Variants in VWA5B1 observed in about 807,000 individuals in gnomAD.
The protein encoded by VWA5B1 is von Willebrand factor A domain containing 5B1, also known as von Willebrand factor A domain-containing protein 5B1.
A neutral mutation model predicts 118.2 loss-of-function variants in VWA5B1; 115 were observed. That is an observed-to-expected ratio of 0.97 (90% CI 0.84 to 1.14). VWA5B1 has a LOEUF of 1.14. Among genes scored for constraint, VWA5B1 ranks in the 50% most tolerant of loss-of-function variants. The pLI, the probability that VWA5B1 is intolerant of heterozygous loss-of-function variation, is 0.00. For synonymous variants in VWA5B1, 682 were observed against 658.4 expected (o/e 1.04, Z -0.55); for missense variants, 1,596 against 1,603.8 (o/e 1.00, Z 0.08).
At chr1:20,323,592 C>T (rs1013528876) in intron 8 of VWA5B1, 60 bp downstream of exon 8, 7 of 1,296,512 alleles carry the variant, frequency 5.4e-6, no homozygotes, top group Non-Finnish European at 6.9e-6. Flanking sequence ...CAGCTGTGTG[C>T]CCCCAATCCA....
At position 20,336,740 on chromosome 1, in the gene VWA5B1, C is replaced by T. The variant is rs140148827; in HGVS notation, c.1942+254C>T. Among the ~76,000 whole-genome samples the T allele has an allele frequency of 1.1e-3, 173 of 152,282 alleles. 2 individuals carry two copies. The highest frequency in any genetic ancestry group is 6.8e-3 in the Middle Eastern group (2 of 294). Reference sequence around the variant, plus strand: ...CCTCGTTATGGTGTTAGTTTCCATTCAAAGGGTACTTATCGATTCCTTACT... The same window carrying T: ...CCTCGTTATGGTGTTAGTTTCCATTTAAAGGGTACTTATCGATTCCTTACT... On this transcript the variant is annotated intron_variant, in intron 13 of 21. Coordinates refer to ENST00000289815, the MANE Select transcript of VWA5B1 (RefSeq NM_001039500.3).
chr1:20,349,159 T>A, intron 18 of VWA5B1: 1 of 442,486 alleles, frequency 2.3e-6, no homozygotes, highest in South Asian at 1.6e-5. Context: ...CAGAACACAG[T>A]GTGAGGGGGT....
chr1:20,310,424 T>C (rs1443451011), intron 1 of VWA5B1, among the ~76,000 whole-genome samples, 152 bp from the exon 2 acceptor site: 1 of 152,210 alleles, frequency 6.6e-6, no homozygotes, highest in Non-Finnish European at 1.5e-5. Flanking sequence ...GTAGTTATCC[T>C]GCGGTCACTT....
At chr1:20,351,223 A>G (rs920190591) in intron 20 of VWA5B1, among the ~76,000 whole-genome samples, 19 of 152,240 alleles carry the variant, frequency 1.2e-4, no homozygotes, top group African/African-American at 4.6e-4. Context: ...ATGTGATAGT[A>G]AAAGAGGGTC....
intron 21 of VWA5B1, among the ~76,000 whole-genome samples, chr1:20,352,402 G>A (rs915844935): frequency 6.6e-6 from 1 of 152,218 alleles, no homozygotes; most frequent in Non-Finnish European, 1.5e-5. Flanking sequence ...GATATTGCTA[G>A]AAGCCAGCAC....
chr1:20,327,940 T>C lies in VWA5B1; in HGVS notation c.1194T>C (p.Asn398=). The C allele has an allele frequency of 1.3e-6, 2 of 1,551,642 alleles. No homozygotes were observed. The highest frequency in any genetic ancestry group is 1.7e-6 in the Non-Finnish European group (2 of 1,147,020). The change falls in exon 9 of 22, where the codon AAT becomes AAC. Residue 398 remains asparagine, a synonymous_variant. Transcript: ENST00000289815. ...GCCTCATGCCAGCCTGCCTCTTCAA[T>C]ATCATTGGGTTTGGATCCACATTTA... ...LKSLMPACLF[N]IIGFGSTFKS...
chr1:20,322,437 C>T (rs1055069739), intron 7 of VWA5B1, among the ~76,000 whole-genome samples: 2 of 152,188 alleles, frequency 1.3e-5, no homozygotes, highest in Admixed American at 1.3e-4. Flanking sequence ...AGGGTCCTGG[C>T]CTCAGGGCCA....
chr1:20,307,299 C>A (rs1182226403), intron 1 of VWA5B1, among the ~76,000 whole-genome samples: 1 of 152,192 alleles, frequency 6.6e-6, no homozygotes. Flanking sequence ...ACCTGAGGCC[C>A]AGGTTGGGAC....
At chr1:20,295,936 C>T (rs1269977683) in intron 1 of VWA5B1, among the ~76,000 whole-genome samples, 2 of 152,186 alleles carry the variant, frequency 1.3e-5, no homozygotes, top group Admixed American at 6.5e-5. Flanking sequence ...GATCTCAGCT[C>T]ACTGCAACCT....
intron 8 of VWA5B1, among the ~76,000 whole-genome samples, chr1:20,326,875 C>T (rs1032137443): frequency 6.6e-6 from 1 of 152,204 alleles, no homozygotes; most frequent in African/African-American, 2.4e-5. Context: ...ATAGATCTCA[C>T]TGAGTTGATA....
chr1:20,314,727 T>C, intron 4 of VWA5B1, 135 bp downstream of exon 4: 3 of 1,429,222 alleles, frequency 2.1e-6, no homozygotes, highest in Non-Finnish European at 2.8e-6. Flanking sequence ...TGCCACCCTC[T>C]GAGCCATTTG....
chr1:20,302,115 C>A (rs1024871880), intron 1 of VWA5B1, among the ~76,000 whole-genome samples: 1 of 152,142 alleles, frequency 6.6e-6, no homozygotes, highest in African/African-American at 2.4e-5. Flanking sequence ...GGTGGCTTGG[C>A]CCCAGCCTCC....
At chr1:20,314,194 TCA>T in intron 3 of VWA5B1, 126 bp from the exon 4 acceptor site, 1 of 971,454 alleles carries the variant, frequency 1.0e-6, no homozygotes, top group Non-Finnish European at 1.5e-6. Flanking sequence ...TATTCACAAG[TCA>T]CACCCTCAAG....
chr1:20,330,595 G>A (rs764756106), intron 10 of VWA5B1, among the ~76,000 whole-genome samples: 1 of 152,212 alleles, frequency 6.6e-6, no homozygotes, highest in East Asian at 1.9e-4. Context: ...CTCTGCACAC[G>A]ACTCACAAGA....
In VWA5B1 at chr1:20,311,462, C is replaced by T. The variant is rs558633945; in HGVS notation, c.139+722C>T. On this transcript the variant is annotated intron_variant, in intron 2 of 21. Coordinates refer to ENST00000289815, the MANE Select transcript of VWA5B1 (RefSeq NM_001039500.3). ...CTCAAAATCGCTATGCTCCTCTCTG[C>T]TGTCCAGATGCCCTGGATTGTGGCG... Among the ~76,000 whole-genome samples, 232 of 152,364 alleles carry T rather than the reference C, an allele frequency of 1.5e-3. 3 individuals carry two copies. The highest frequency in any genetic ancestry group is 3.9e-3 in the South Asian group (19 of 4,824).
At chr1:20,350,757 G>A in intron 19 of VWA5B1, 100 bp from the exon 20 acceptor site, 2 of 1,141,128 alleles carry the variant, frequency 1.8e-6, no homozygotes, top group Non-Finnish European at 2.6e-6. Flanking sequence ...ACTTAGCTAA[G>A]CACCTGCCCC....
intron 12 of VWA5B1, among the ~76,000 whole-genome samples, 175 bp from the exon 13 acceptor site, chr1:20,336,128 C>T (rs2089709190): frequency 6.6e-6 from 1 of 152,064 alleles, no homozygotes; most frequent in Admixed American, 6.6e-5. Context: ...TTCCATTCAC[C>T]ATCTCTTGAA....
chr1:20,332,307 C>A (rs2089580613), intron 11 of VWA5B1, among the ~76,000 whole-genome samples: 1 of 151,810 alleles, frequency 6.6e-6, no homozygotes, highest in Non-Finnish European at 1.5e-5. Flanking sequence ...TGGTGAAACC[C>A]CGTCTCTACT....
chr1:20,304,973 C>A (rs1395177094), intron 1 of VWA5B1, among the ~76,000 whole-genome samples: 2 of 151,900 alleles, frequency 1.3e-5, no homozygotes, highest in East Asian at 3.9e-4. Flanking sequence ...ATCCATTCAG[C>A]AAATACTTAT....
Sources: allele counts gnomAD v4.1 joint callset (sites outside exome capture counted in the v4.1 genomes callset), GRCh38; gene constraint gnomAD v4.1.1; transcripts MANE v1.5; gene names NCBI Gene and HGNC (gene_info 2026-07-23, HGNC 2026-07-21).